ZDHHC7: variants seen among roughly 807,000 people sequenced by gnomAD.
ZDHHC7 encodes the protein palmitoyltransferase ZDHHC7.
Under a neutral mutation model 34.1 loss-of-function variants are expected in ZDHHC7, and 12 were observed. The ratio of observed to expected loss-of-function variants is 0.35; its 90% CI spans 0.23 to 0.57. The LOEUF is 0.57. Among genes scored for constraint, ZDHHC7 ranks in the 20% least tolerant of loss-of-function variants. The pLI is 0.84. For missense variants in ZDHHC7, 388 were observed against 402.7 expected (o/e 0.96, Z 0.31); for synonymous variants, 185 against 155.4 (o/e 1.19, Z -1.42).
chr16:84,976,322 T>G lies in ZDHHC7; in HGVS notation c.*21A>C. The G allele has an allele frequency of 6.2e-7, 1 of 1,610,958 alleles. No individual in the cohort carries two copies. The highest frequency in any genetic ancestry group is 8.5e-7 in the Non-Finnish European group (1 of 1,179,424). On this transcript the variant is annotated 3_prime_UTR_variant, in exon 8 of 8. Coordinates refer to ENST00000313732, the MANE Select transcript of ZDHHC7 (RefSeq NM_017740.3). ...AATAACTGGAAGTCTGTGAGCAAGT[T>G]TCAGTCTGATGAGCCACGCCTCACA... is the stretch of plus-strand genomic sequence containing the variant.
chr16:85,019,119 T>C, the ZDHHC7 span, among the ~76,000 whole-genome samples: 4 of 152,188 alleles, frequency 2.6e-5, no homozygotes, highest in African/African-American at 9.7e-5. Flanking sequence ...TCGTGGCTGT[T>C]AGGACTTGAC....
rs745556808 is a variant in ZDHHC7, at chr16:84,977,217, C to T, written c.628G>A (p.Asp210Asn). ...CVRGQWTECS[D>N]FSPPITVILL... ...ATTACAGTTATCGGAGGTGAAAAAT[C>T]ACTGCATTCTGCGGACAAGAGGAAG... Residue 210 changes from aspartate (D) to asparagine (N), a missense_variant, in exon 7 of 8, where the codon GAT becomes AAT. By Grantham distance (23) the Asp-to-Asn change is conservative. Coordinates refer to ENST00000313732, the MANE Select transcript of ZDHHC7 (RefSeq NM_017740.3). 1.2e-6 allele frequency: 2 copies of T among 1,614,150 alleles called. No individual in the cohort carries two copies. Among genetic ancestry groups the T allele is most frequent in the South Asian group, 1.1e-5 (1 of 91,078 alleles).
intron 7 of ZDHHC7, 103 bp downstream of exon 7, chr16:84,976,992 G>T: frequency 6.6e-7 from 1 of 1,514,208 alleles, no homozygotes. Flanking sequence ...GTCCCATTAC[G>T]TTCCCGAGTC....
rs568549920 is a variant in ZDHHC7 at position 84,974,179 on chromosome 16, G to A, written c.*2164C>T. 1 of 152,330 alleles carries A rather than the reference G, an allele frequency of 6.6e-6. No homozygotes were observed. The highest frequency in any genetic ancestry group is 2.1e-4 in the South Asian group (1 of 4,834). The allele number at this position is 152,330 out of a possible 1,614,324, so 9.4% of individuals were successfully genotyped here. On this transcript the variant is annotated 3_prime_UTR_variant, in exon 8 of 8. Coordinates refer to ENST00000313732, the MANE Select transcript of ZDHHC7 (RefSeq NM_017740.3). ...TAGGTACTTGAGATTCTGAACTGTGGAGATTTTGAAACATTGTTTTTATTT... is the reference window on the plus strand; with the variant it reads ...TAGGTACTTGAGATTCTGAACTGTGAAGATTTTGAAACATTGTTTTTATTT...
intron 2 of ZDHHC7, among the ~76,000 whole-genome samples, chr16:84,993,040 A>G (rs527325380): frequency 2.3e-3 from 345 of 152,318 alleles, no homozygotes; most frequent in Non-Finnish European, 4.1e-3. Context: ...GCAGCTTTAA[A>G]AAATGTTTAA....
intron 1 of ZDHHC7, among the ~76,000 whole-genome samples, chr16:85,000,677 A>G (rs988816974): frequency 2.0e-5 from 3 of 152,188 alleles, no homozygotes; most frequent in Non-Finnish European, 2.9e-5. Context: ...GAAGGTTACA[A>G]AACAAACTCA....
At chr16:84,976,950 A>G (rs1489285882) in intron 7 of ZDHHC7, 145 bp downstream of exon 7, 1 of 1,240,766 alleles carries the variant, frequency 8.1e-7, no homozygotes, top group Non-Finnish European at 1.1e-6. Context: ...GAAACAGCAA[A>G]CACAGGGAGC....
intron 3 of ZDHHC7, among the ~76,000 whole-genome samples, chr16:84,987,004 G>C (rs2072445255): frequency 6.6e-6 from 1 of 152,208 alleles, no homozygotes; most frequent in Non-Finnish European, 1.5e-5. Flanking sequence ...CTGGACATCA[G>C]TGACTGCCAC....
At chr16:84,998,922 T>C (rs903585589) in intron 1 of ZDHHC7, among the ~76,000 whole-genome samples, 3 of 151,748 alleles carry the variant, frequency 2.0e-5, no homozygotes, top group Non-Finnish European at 4.4e-5. Flanking sequence ...CCCAGCTAAT[T>C]TTTTGTATTT....
rs773996397 is a variant in ZDHHC7 at position 84,981,878 on chromosome 16, G to A, written c.432C>T (p.His144=). 7 of 1,613,992 alleles carry A rather than the reference G, an allele frequency of 4.3e-6. No homozygotes were observed. The highest frequency in any genetic ancestry group is 5.1e-6 in the Non-Finnish European group (6 of 1,180,026). ...KCCCIKPERA[H]HCSICKRCIR... is the part of the protein sequence containing the mutation. ...TACAGCAGCGCACGTACCTGCAGTG[G>A]TGGGCGCGCTCGGGTTTAATACAGC... is the stretch of plus-strand genomic sequence containing the variant. Residue 144 remains histidine, a synonymous_variant, in exon 4 of 8, where the codon CAC becomes CAT. Transcript: ENST00000313732.
chr16:84,980,364 T>C (rs537452291), intron 4 of ZDHHC7, among the ~76,000 whole-genome samples: 231 of 152,234 alleles, frequency 1.5e-3, no homozygotes, highest in African/African-American at 4.8e-3. Context: ...AACAGATTTA[T>C]TGAAGTATAA....
At chr16:84,978,039 A>AT in intron 5 of ZDHHC7, 34 bp from the exon 6 acceptor site, 2 of 1,543,980 alleles carry the variant, frequency 1.3e-6, no homozygotes, top group Middle Eastern at 1.7e-4. Flanking sequence ...AGTCACTTTT[A>AT]TTTTTTATTT....
intron 5 of ZDHHC7, among the ~76,000 whole-genome samples, chr16:84,978,859 T>A: frequency 8.9e-6 from 1 of 111,750 alleles, no homozygotes; most frequent in Non-Finnish European, 1.8e-5. Context: ...CAAAACTCCA[T>A]CTCAAAAAAA....
At chr16:84,996,361 A>C (rs1292135169) in intron 1 of ZDHHC7, among the ~76,000 whole-genome samples, 1 of 152,194 alleles carries the variant, frequency 6.6e-6, no homozygotes, top group Admixed American at 6.5e-5. Flanking sequence ...TTTACTGGCC[A>C]CATTAAAGGA....
intron 1 of ZDHHC7, among the ~76,000 whole-genome samples, chr16:85,000,891 G>A (rs191443459): frequency 6.6e-6 from 1 of 152,330 alleles, no homozygotes; most frequent in East Asian, 1.9e-4. Flanking sequence ...TGTGATCAGG[G>A]AGAGAAATGA....
intron 5 of ZDHHC7, 87 bp downstream of exon 5, chr16:84,979,102 C>T (rs564014500): frequency 9.9e-6 from 13 of 1,318,718 alleles, no homozygotes; most frequent in African/African-American, 6.0e-5. Context: ...ACTGGCCTGA[C>T]GTTAGTAGAT....
At chr16:84,997,722 G>A (rs570280089) in intron 1 of ZDHHC7, among the ~76,000 whole-genome samples, 46 of 148,650 alleles carry the variant, frequency 3.1e-4, no homozygotes, top group African/African-American at 1.1e-3. Context: ...GTGAAACCCC[G>A]TCTCTACTAA....
intron 1 of ZDHHC7, among the ~76,000 whole-genome samples, chr16:85,003,898 G>A (rs1293339589): frequency 2.6e-5 from 4 of 152,072 alleles, no homozygotes; most frequent in East Asian, 1.9e-4. Context: ...AGCCACACCC[G>A]GTCTCTGACT....
chr16:84,994,112 G>C (rs12934305), intron 2 of ZDHHC7, among the ~76,000 whole-genome samples: 10,300 of 152,282 alleles, frequency 0.068, 397 homozygotes, highest in African/African-American at 0.094. Context: ...CTTGCTACCT[G>C]AGAGCTCTTG....
Sources: allele counts gnomAD v4.1 joint callset (sites outside exome capture counted in the v4.1 genomes callset), GRCh38; gene constraint gnomAD v4.1.1; transcripts MANE v1.5; gene names NCBI Gene and HGNC (gene_info 2026-07-23, HGNC 2026-07-21).